IGSF11: variants seen among roughly 807,000 people sequenced by gnomAD.
IGSF11 encodes the protein immunoglobulin superfamily member 11.
IGSF11 carries 22 observed loss-of-function variants against 41.0 expected under a neutral mutation model. The observed-to-expected ratio is 0.54, with a 90% CI of 0.38 to 0.77. The LOEUF (loss-of-function observed/expected upper bound fraction) is 0.77. Ranked by LOEUF, IGSF11 falls within the 30% of genes least tolerant of loss-of-function variation. The pLI is 0.00. For missense variants in IGSF11, 444 were observed against 530.8 expected, an observed-to-expected ratio of 0.84 and a Z score of 1.61; for synonymous variants, 219 against 201.3, an observed-to-expected ratio of 1.09 and a Z score of -0.74.
intron 1 of IGSF11, among the ~76,000 whole-genome samples, chr3:119,081,656 G>A (rs772887286): frequency 3.9e-5 from 6 of 152,136 alleles, no homozygotes; most frequent in Non-Finnish European, 7.4e-5. Context: ...TTTACCACAG[G>A]GAGCCTCAAT....
At chr3:118,975,555 G>A (rs1933993284) in intron 1 of IGSF11, among the ~76,000 whole-genome samples, 1 of 152,096 alleles carries the variant, frequency 6.6e-6, no homozygotes, top group African/African-American at 2.4e-5. Context: ...CACAAAAGAT[G>A]AAGCATCAAC....
chr3:119,129,525 TA>T (rs2077448853), intron 1 of IGSF11, among the ~76,000 whole-genome samples: 1 of 152,106 alleles, frequency 6.6e-6, no homozygotes, highest in South Asian at 2.1e-4. Context: ...AACAAAAAGT[TA>T]AAAAGCAGGG....
intron 1 of IGSF11, among the ~76,000 whole-genome samples, chr3:118,960,615 A>C (rs987614810): frequency 6.6e-6 from 1 of 152,182 alleles, no homozygotes; most frequent in African/African-American, 2.4e-5. Flanking sequence ...AGACAATTTA[A>C]GGGGAAAAAA....
chr3:118,902,460 C>CCCCCCCCT lies in IGSF11; in HGVS notation c.*59_*60insAGGGGGGG. On this transcript the variant is annotated 3_prime_UTR_variant, in exon 7 of 7. Transcript: ENST00000393775. The stretch of plus-strand genomic sequence containing the variant: ...CTTTCCCAGCACTCCCCACCCCACC[C>CCCCCCCCT]TCCCCCTTGTATGAGGGCATTCCAT... 1 of 657,468 alleles carries CCCCCCCCT rather than the reference C, an allele frequency of 1.5e-6. No homozygotes were observed. 40.7% of individuals were successfully genotyped at this position (657,468 alleles called of 1,614,324 possible).
chr3:118,959,886 T>TAA (rs552275333), intron 1 of IGSF11, among the ~76,000 whole-genome samples: 210 of 150,626 alleles, frequency 1.4e-3, no homozygotes, highest in Non-Finnish European at 2.4e-3. Context: ...CCTCTAAAAA[T>TAA]AAAAAAAAAT....
intron 1 of IGSF11, among the ~76,000 whole-genome samples, chr3:118,964,742 T>C (rs193047874): frequency 5.3e-5 from 8 of 152,296 alleles, no homozygotes; most frequent in East Asian, 1.9e-4. Context: ...ATTCTAATGT[T>C]TGAATTTCCT....
At chr3:119,019,275 A>C (rs1939052484) in intron 1 of IGSF11, among the ~76,000 whole-genome samples, 1 of 151,378 alleles carries the variant, frequency 6.6e-6, no homozygotes, top group Non-Finnish European at 1.5e-5. Context: ...CAATAAGTAC[A>C]TTTACATTCC....
chr3:118,963,518 G>C (rs571088563), intron 1 of IGSF11, among the ~76,000 whole-genome samples: 2 of 152,140 alleles, frequency 1.3e-5, no homozygotes, highest in Non-Finnish European at 2.9e-5. Flanking sequence ...TAGCCCTAGG[G>C]GATAATTATG....
rs945332021 is a variant in IGSF11 at position 118,943,483 on chromosome 3, C to T, written c.53-13208G>A. Among the ~76,000 whole-genome samples, 3 of 152,076 alleles carry T rather than the reference C, an allele frequency of 2.0e-5. No individual in the cohort carries two copies. In the East Asian group the frequency reaches 5.8e-4, roughly 29 times the overall value. ...AGAGAAAACTGACAGAATCTAGGGG[C>T]TATTTTTTCGCTATTTCAGGATTGT... On this transcript the variant is annotated intron_variant, in intron 1 of 6. Transcript: ENST00000393775.
chr3:119,132,312 A>G (rs1043678503), intron 1 of IGSF11, among the ~76,000 whole-genome samples: 1 of 145,810 alleles, frequency 6.9e-6, no homozygotes, highest in Non-Finnish European at 1.5e-5. Flanking sequence ...GACCCATCTC[A>G]CATGCAGAGA....
At chr3:119,057,582 A>G (rs1941896743) in intron 1 of IGSF11, among the ~76,000 whole-genome samples, 1 of 152,240 alleles carries the variant, frequency 6.6e-6, no homozygotes, top group Non-Finnish European at 1.5e-5. Flanking sequence ...CATCCCCATC[A>G]AGCTACCAAT....
At chr3:118,955,586 A>C (rs936090898) in intron 1 of IGSF11, among the ~76,000 whole-genome samples, 2 of 152,156 alleles carry the variant, frequency 1.3e-5, no homozygotes, top group Non-Finnish European at 1.5e-5. Context: ...GGCCAAATGC[A>C]TTGTCAATGA....
chr3:119,093,552 GA>G (rs2076799904), intron 1 of IGSF11, among the ~76,000 whole-genome samples: 1 of 152,212 alleles, frequency 6.6e-6, no homozygotes, highest in South Asian at 2.1e-4. Context: ...CGTCAATACC[GA>G]AAGCAAAGTA....
At chr3:119,055,069 G>C (rs1941773163) in intron 1 of IGSF11, among the ~76,000 whole-genome samples, 1 of 152,184 alleles carries the variant, frequency 6.6e-6, no homozygotes. Context: ...GGCAAACAGG[G>C]TCTGGAGTGG....
intron 1 of IGSF11, chr3:118,948,220 ATG>A (rs1944304347): frequency 6.6e-6 from 1 of 152,240 alleles, no homozygotes; most frequent in Admixed American, 6.5e-5. Context: ...CAGATAATAA[ATG>A]TATTTTGTAT....
At chr3:119,083,088 A>T (rs1353323904) in intron 1 of IGSF11, among the ~76,000 whole-genome samples, 1 of 150,806 alleles carries the variant, frequency 6.6e-6, no homozygotes, top group Non-Finnish European at 1.5e-5. Context: ...TTACCTTCAT[A>T]GACTAATTCC....
chr3:119,035,776 T>C (rs1329663611), upstream of IGSF11, among the ~76,000 whole-genome samples: 1 of 152,230 alleles, frequency 6.6e-6, no homozygotes, highest in African/African-American at 2.4e-5. Flanking sequence ...CATAGTCACT[T>C]CCTGCTTCAG....
At chr3:119,133,896 G>C (rs2077519439) in intron 1 of IGSF11, among the ~76,000 whole-genome samples, 1 of 152,032 alleles carries the variant, frequency 6.6e-6, no homozygotes, top group Non-Finnish European at 1.5e-5. Flanking sequence ...CTTCACCCCT[G>C]GGATGCAAGG....
At chr3:118,947,326 T>G (rs985076377) in intron 1 of IGSF11, 2 of 152,178 alleles carry the variant, frequency 1.3e-5, no homozygotes, top group Admixed American at 1.3e-4. Context: ...ATCTGAGGAT[T>G]TAGGGATGAA....
Sources: gnomAD v4.1 joint callset for allele counts (sites outside exome capture counted in the v4.1 genomes callset) on GRCh38, gnomAD v4.1.1 for gene constraint, MANE v1.5 for transcripts, NCBI Gene and HGNC (gene_info 2026-07-23, HGNC 2026-07-21) for gene names.